The following EID1 variants were observed in gnomAD, a reference collection of about 807,000 sequenced individuals.
The protein encoded by EID1 is EP300-interacting inhibitor of differentiation 1.
A neutral mutation model predicts 13.7 loss-of-function variants in EID1; 3 were observed. The observed-to-expected ratio is 0.22, with a 90% CI of 0.10 to 0.57. EID1 has a LOEUF of 0.57. Among genes scored for constraint, EID1 ranks in the 20% least tolerant of loss-of-function variants. The pLI is 0.92. For synonymous variants in EID1, 105 were observed against 97.6 expected, an observed-to-expected ratio of 1.08 and a Z score of -0.44; for missense variants, 261 against 247.6, an observed-to-expected ratio of 1.05 and a Z score of -0.36.
chr15:48,878,624 C>G lies in EID1; in HGVS notation c.448C>G (p.His150Asp). ...EPALDGGFQMHYEKTPFDQLA... is the reference protein window; with the variant it reads ...EPALDGGFQMDYEKTPFDQLA... ...AGCCCTGGATGGCGGGTTTCAGATG[C>G]ATTATGAGAAGACCCCGTTTGATCA... The change falls in exon 1 of 1, where the codon CAT becomes GAT. Residue 150 changes from histidine to aspartate, a missense_variant. By Grantham distance (81) the His-to-Asp change is moderately conservative. Around this residue, in one of 2 missense-constraint regions of EID1, gnomAD observed 244 missense variants for 210.8 expected, o/e 1.16. Coordinates refer to ENST00000530028, the MANE Select transcript of EID1 (RefSeq NM_014335.3). 3 of 1,614,058 alleles carry G rather than the reference C, an allele frequency of 1.9e-6. No homozygotes were observed. The highest frequency in any genetic ancestry group is 2.5e-6 in the Non-Finnish European group (3 of 1,179,894).
At position 48,879,591 on chromosome 15, in the gene EID1, C is replaced by T. The variant is rs1899900050; in HGVS notation, c.*851C>T. Reference sequence around the variant, plus strand: ...TGACAGATGAAGGACTTTAGTTGAACTTCATATTGTAAGAACTGTTAATAA... The same window carrying T: ...TGACAGATGAAGGACTTTAGTTGAATTTCATATTGTAAGAACTGTTAATAA... On this transcript the variant is annotated 3_prime_UTR_variant, in exon 1 of 1. Coordinates refer to ENST00000530028, the MANE Select transcript of EID1 (RefSeq NM_014335.3). The T allele has an allele frequency of 6.0e-6, 1 of 166,962 alleles. No individual in the cohort carries two copies. Among genetic ancestry groups the T allele is most frequent in the Admixed American group, 6.5e-5 (1 of 15,274 alleles). The allele number at this position is 166,962 out of a possible 1,614,324, so 10.3% of individuals were successfully genotyped here.
At position 48,878,249 on chromosome 15, in the gene EID1, G is replaced by C; in HGVS notation, c.73G>C (p.Glu25Gln). The C allele has an allele frequency of 6.2e-7, 1 of 1,611,846 alleles. No individual in the cohort carries two copies. Among genetic ancestry groups the C allele is most frequent in the African/African-American group, 1.3e-5 (1 of 75,042 alleles). The change falls in exon 1 of 1, where the codon GAG (glutamate) becomes CAG (glutamine). Residue 25 changes from glutamate (E) to glutamine (Q), a missense_variant. Physicochemically the swap from Glu to Gln is conservative, Grantham distance 29. Coordinates refer to ENST00000530028, the MANE Select transcript of EID1 (RefSeq NM_014335.3). ...SDLQMDVMPG[E>Q]GDLPQMEVGS... ...CCTGCAGATGGATGTGATGCCTGGC[G>C]AGGGTGACCTTCCGCAGATGGAGGT...
rs780624944 is a variant in EID1, at chr15:48,879,731, T to C, written c.*991T>C. ...TACCTTGGTATCTGAAGTTTCCCTCTGTCTCCTCCTCTAATTAAGCTTGTT... is the reference window on the plus strand; with the variant it reads ...TACCTTGGTATCTGAAGTTTCCCTCCGTCTCCTCCTCTAATTAAGCTTGTT... On this transcript the variant is annotated 3_prime_UTR_variant, in exon 1 of 1. Coordinates refer to ENST00000530028, the MANE Select transcript of EID1 (RefSeq NM_014335.3). The C allele has an allele frequency of 1.2e-5, 2 of 167,118 alleles. No homozygotes were observed. Among genetic ancestry groups the C allele is most frequent in the Non-Finnish European group, 2.9e-5 (2 of 68,106 alleles). 10.4% of individuals were successfully genotyped at this position (167,118 alleles called of 1,614,324 possible).
At position 48,878,731 on chromosome 15, in the gene EID1, T is replaced by TA; in HGVS notation, c.556dup (p.Arg186LysfsTer8). On this transcript the variant is annotated frameshift_variant, in exon 1 of 1. Coordinates refer to ENST00000530028, the MANE Select transcript of EID1 (RefSeq NM_014335.3). LOFTEE classifies it high-confidence loss of function. ...AACTCGGCTGTGATGAGATTATTGA[T>TA]AGAGAGTAGTTAGATGCTGTTAAAA... The TA allele has an allele frequency of 6.2e-7, 1 of 1,612,618 alleles. No individual in the cohort carries two copies. The highest frequency in any genetic ancestry group is 1.3e-5 in the African/African-American group (1 of 75,002).
In EID1 at chr15:48,878,522, C is replaced by G; in HGVS notation, c.346C>G (p.Gln116Glu). The G allele has an allele frequency of 6.2e-7, 1 of 1,614,040 alleles. No individual in the cohort carries two copies. The highest frequency in any genetic ancestry group is 8.5e-7 in the Non-Finnish European group (1 of 1,179,892). Residue 116 changes from glutamine (Q) to glutamate (E), a missense_variant, in exon 1 of 1, where the codon CAG (glutamine) becomes GAG (glutamate). Physicochemically the swap from Gln to Glu is conservative, Grantham distance 29. Coordinates refer to ENST00000530028, the MANE Select transcript of EID1 (RefSeq NM_014335.3). ...CGACTACGACTATCCCGAAGAGGAG[C>G]AGCTCAGTGGTGCCGGCTACAGAGT... is the stretch of plus-strand genomic sequence containing the variant. ...EDDYDYPEEEQLSGAGYRVSA... is the reference protein window; with the variant it reads ...EDDYDYPEEEELSGAGYRVSA...
chr15:48,878,192 G>A lies in EID1; in HGVS notation c.16G>A (p.Glu6Lys), dbSNP rs919749526. The change falls in exon 1 of 1, where the codon GAG (glutamate) becomes AAG (lysine). Residue 6 changes from glutamate to lysine, a missense_variant. Coordinates refer to ENST00000530028, the MANE Select transcript of EID1 (RefSeq NM_014335.3). ...GGTTTGCACAATGTCGGAAATGGCT[G>A]AGTTGTCCGAGCTGTATGAAGAGAG... is the stretch of plus-strand genomic sequence containing the variant. MSEMAELSELYEESSD... is the reference protein window; with the variant it reads MSEMAKLSELYEESSD... The A allele has an allele frequency of 1.4e-5, 22 of 1,561,638 alleles. No homozygotes were observed. The highest frequency in any genetic ancestry group is 1.9e-5 in the Non-Finnish European group (22 of 1,149,956).
Position 48,878,891 on chromosome 15 carries a change from T to C in EID1, c.*151T>C, listed in dbSNP as rs1899884809. On this transcript the variant is annotated 3_prime_UTR_variant, in exon 1 of 1. Transcript: ENST00000530028. ...GAATAGAACACAATAGGACAGTGAC[T>C]GCACAGTTGTGAAAAAGGAAGAGAA... is the stretch of plus-strand genomic sequence containing the variant. 1.7e-6 allele frequency: 1 copy of C among 590,068 alleles called. No homozygotes were observed. The highest frequency in any genetic ancestry group is 3.0e-6 in the Non-Finnish European group (1 of 337,032). The allele number at this position is 590,068 out of a possible 1,614,324, so 36.6% of individuals were successfully genotyped here.
In EID1 at chr15:48,878,135, T is replaced by C. The variant is rs1899855196; in HGVS notation, c.-42T>C. 1 of 1,517,044 alleles carries C rather than the reference T, an allele frequency of 6.6e-7. No homozygotes were observed. Among genetic ancestry groups the C allele is most frequent in the Non-Finnish European group, 8.8e-7 (1 of 1,131,416 alleles). 94.0% of individuals were successfully genotyped at this position (1,517,044 alleles called of 1,614,324 possible). ...CGAACGCACGGCCGCGCAGCATCTG[T>C]CTTGCTGGAAGCTTTTTCCTAGAGG... On this transcript the variant is annotated 5_prime_UTR_variant, in exon 1 of 1. Transcript: ENST00000530028.
rs1899856561 is a variant in EID1, at chr15:48,878,152, T to G, written c.-25T>G. 3 of 1,520,386 alleles carry G rather than the reference T, an allele frequency of 2.0e-6. No homozygotes were observed. Among genetic ancestry groups the G allele is most frequent in the Non-Finnish European group, 2.6e-6 (3 of 1,132,496 alleles). The allele number at this position is 1,520,386 out of a possible 1,614,324, so 94.2% of individuals were successfully genotyped here. A position where few individuals can be genotyped will look rare whatever the true frequency, so the allele number is the denominator to read the frequency against. On this transcript the variant is annotated 5_prime_UTR_variant, in exon 1 of 1. Transcript: ENST00000530028. ...AGCATCTGTCTTGCTGGAAGCTTTT[T>G]CCTAGAGGTTGAGCGGTTTGCACAA... is the stretch of plus-strand genomic sequence containing the variant.
rs370518786 is a variant in EID1, at chr15:48,878,383, A to G, written c.207A>G (p.Pro69=). The change falls in exon 1 of 1, where the codon CCA becomes CCG. Residue 69 remains proline (P), a synonymous_variant. Transcript: ENST00000530028. ...EEEEAQPMAA[P]EGKRSLANGP... Reference sequence around the variant, plus strand: ...AGGAGGCCCAGCCAATGGCGGCGCCAGAGGGGAAACGGAGCCTTGCTAACG... The same window carrying G: ...AGGAGGCCCAGCCAATGGCGGCGCCGGAGGGGAAACGGAGCCTTGCTAACG... The G allele has an allele frequency of 3.1e-6, 5 of 1,612,466 alleles. No homozygotes were observed. The East Asian group carries it at 8.9e-5, about 29-fold the overall frequency.
At position 48,879,883 on chromosome 15, in the gene EID1, G is replaced by A. The variant is rs944307097; in HGVS notation, c.*1143G>A. The A allele has an allele frequency of 1.2e-5, 2 of 167,098 alleles. No individual in the cohort carries two copies. Among genetic ancestry groups the A allele is most frequent in the Non-Finnish European group, 2.9e-5 (2 of 68,104 alleles). 10.4% of individuals were successfully genotyped at this position (167,098 alleles called of 1,614,324 possible). A position where few individuals can be genotyped will look rare whatever the true frequency, so the allele number is the denominator to read the frequency against. Reference sequence around the variant, plus strand: ...ATTGTATGTGTTAACCAGTATTAAGGGAAAATGATCCAGCTTCAGCTATCT... The same window carrying A: ...ATTGTATGTGTTAACCAGTATTAAGAGAAAATGATCCAGCTTCAGCTATCT... On this transcript the variant is annotated 3_prime_UTR_variant, in exon 1 of 1. Coordinates refer to ENST00000530028, the MANE Select transcript of EID1 (RefSeq NM_014335.3).
In EID1 at chr15:48,879,666, A is replaced by C. The variant is rs1369271392; in HGVS notation, c.*926A>C. The C allele has an allele frequency of 6.0e-6, 1 of 167,116 alleles. No individual in the cohort carries two copies. Among genetic ancestry groups the C allele is most frequent in the African/African-American group, 2.4e-5 (1 of 41,470 alleles). The allele number at this position is 167,116 out of a possible 1,614,324, so 10.4% of individuals were successfully genotyped here. ...ATCTAAAAAGACTTTATGAACAGTT[A>C]TTCTATCAACTTTTAAAGGTTTTAA... On this transcript the variant is annotated 3_prime_UTR_variant, in exon 1 of 1. Transcript: ENST00000530028.
rs1401560050 is a variant in EID1 at position 48,879,296 on chromosome 15, G to A, written c.*556G>A. ...TAAATGGATGAGTAAACTCAAATATGTATCACGTGTGCTTTGTATCTTAAG... is the reference window on the plus strand; with the variant it reads ...TAAATGGATGAGTAAACTCAAATATATATCACGTGTGCTTTGTATCTTAAG... On this transcript the variant is annotated 3_prime_UTR_variant, in exon 1 of 1. Coordinates refer to ENST00000530028, the MANE Select transcript of EID1 (RefSeq NM_014335.3). The A allele has an allele frequency of 1.2e-5, 2 of 167,672 alleles. No homozygotes were observed. Among genetic ancestry groups the A allele is most frequent in the African/African-American group, 4.8e-5 (2 of 41,460 alleles). The allele number at this position is 167,672 out of a possible 1,614,324, so 10.4% of individuals were successfully genotyped here.
rs1015274737 is a variant in EID1, at chr15:48,878,501, T to C, written c.325T>C (p.Tyr109His). 1 of 1,614,030 alleles carries C rather than the reference T, an allele frequency of 6.2e-7. No homozygotes were observed. The change falls in exon 1 of 1, where the codon TAC becomes CAC. Residue 109 changes from tyrosine to histidine, a missense_variant. Physicochemically the swap from Tyr to His is moderately conservative, Grantham distance 83. Transcript: ENST00000530028. ...GGAATTTGATGACTGGGAGGACGAC[T>C]ACGACTATCCCGAAGAGGAGCAGCT... ...GEEFDDWEDD[Y>H]DYPEEEQLSG...
Position 48,878,933 on chromosome 15 carries a change from A to C in EID1, c.*193A>C, listed in dbSNP as rs1899885735. 3.9e-6 allele frequency: 2 copies of C among 508,130 alleles called. No individual in the cohort carries two copies. Among genetic ancestry groups the C allele is most frequent in the Non-Finnish European group, 7.1e-6 (2 of 282,928 alleles). 31.5% of individuals were successfully genotyped at this position (508,130 alleles called of 1,614,324 possible). ...GGAAGAGAATCATTAAAGAAAAAGA[A>C]AAAAGATTTTAAGACCGTTGAAATC... On this transcript the variant is annotated 3_prime_UTR_variant, in exon 1 of 1. Coordinates refer to ENST00000530028, the MANE Select transcript of EID1 (RefSeq NM_014335.3).
chr15:48,878,408 G>C lies in EID1; in HGVS notation c.232G>C (p.Gly78Arg), dbSNP rs761502658. 1.9e-6 allele frequency: 3 copies of C among 1,611,842 alleles called. No homozygotes were observed. The highest frequency in any genetic ancestry group is 2.2e-5 in the East Asian group (1 of 44,838). The change falls in exon 1 of 1, where the codon GGG becomes CGG. Residue 78 changes from glycine to arginine, a missense_variant. Gly to Arg is a moderately radical substitution (Grantham distance 125, BLOSUM62 -2). Transcript: ENST00000530028. ...APEGKRSLANGPNAGEQPGQV... is the reference protein window; with the variant it reads ...APEGKRSLANRPNAGEQPGQV... ...AGAGGGGAAACGGAGCCTTGCTAAC[G>C]GGCCCAACGCTGGGGAGCAGCCAGG...
chr15:48,878,662 C>T lies in EID1; in HGVS notation c.486C>T (p.Ile162=). 2 of 1,614,002 alleles carry T rather than the reference C, an allele frequency of 1.2e-6. No individual in the cohort carries two copies. The highest frequency in any genetic ancestry group is 1.7e-5 in the Admixed American group (1 of 60,024). ...EKTPFDQLAF[I]EELFSLMVVN... ...CCCCGTTTGATCAGTTAGCTTTTAT[C>T]GAAGAGCTTTTTTCACTGATGGTTG... Residue 162 remains isoleucine, a synonymous_variant, in exon 1 of 1, where the codon ATC becomes ATT. Coordinates refer to ENST00000530028, the MANE Select transcript of EID1 (RefSeq NM_014335.3).
At position 48,878,332 on chromosome 15, in the gene EID1, C is replaced by G. The variant is rs768064540; in HGVS notation, c.156C>G (p.Leu52=). The G allele has an allele frequency of 4.3e-6, 7 of 1,613,544 alleles. No individual in the cohort carries two copies. The highest frequency in any genetic ancestry group is 1.7e-4 in the Middle Eastern group (1 of 6,052). ...CCTCCCGCAGCGGGGCCCAACAGCT[C>G]GAGGAGGAAGGCCCAATGGAGGAGG... The part of the protein sequence containing the change: ...LRPSRSGAQQ[L]EEEGPMEEEE... Residue 52 remains leucine, a synonymous_variant, in exon 1 of 1, where the codon CTC becomes CTG. Transcript: ENST00000530028.
At position 48,878,853 on chromosome 15, in the gene EID1, A is replaced by T; in HGVS notation, c.*113A>T. The T allele has an allele frequency of 9.3e-7, 1 of 1,080,486 alleles. No homozygotes were observed. Among genetic ancestry groups the T allele is most frequent in the Non-Finnish European group, 1.3e-6 (1 of 759,976 alleles). The allele number at this position is 1,080,486 out of a possible 1,614,324, so 66.9% of individuals were successfully genotyped here. ...CATTGAAAAACTTGACCTTCAAAAA[A>T]ATTTGTTTTTCAGAATAGAACACAA... On this transcript the variant is annotated 3_prime_UTR_variant, in exon 1 of 1. Coordinates refer to ENST00000530028, the MANE Select transcript of EID1 (RefSeq NM_014335.3).
Sources: allele counts gnomAD v4.1 joint callset, GRCh38; gene constraint gnomAD v4.1.1; regional missense constraint gnomAD v4.1.1; transcripts MANE v1.5; gene names NCBI Gene and HGNC (gene_info 2026-07-23, HGNC 2026-07-21).